SBNO2: variants seen among roughly 807,000 people sequenced by gnomAD.
SBNO2 encodes strawberry notch homolog 2.
SBNO2 carries 89 observed loss-of-function variants against 146.3 expected under a neutral mutation model. The ratio of observed to expected loss-of-function variants is 0.61; its 90% confidence interval spans 0.51 to 0.73. The LOEUF is 0.73. Ranked by LOEUF, SBNO2 falls within the 30% of genes least tolerant of loss-of-function variation. SBNO2 has a pLI of 0.00. For synonymous variants in SBNO2, 1,147 were observed against 892.6 expected, an observed-to-expected ratio of 1.29 and a Z score of -5.08; for missense variants, 2,092 against 2,003.7, an observed-to-expected ratio of 1.04 and a Z score of -0.84.
intron 5 of SBNO2, among the ~76,000 whole-genome samples, chr19:1,124,835 C>T (rs1076266): frequency 6.6e-6 from 1 of 152,058 alleles, no homozygotes; most frequent in Admixed American, 6.5e-5. Flanking sequence ...GTGGCCCACC[C>T]AGGGGTCTCC....
Position 1,112,418 on chromosome 19 carries a change from G to C in SBNO2, c.2499C>G (p.Arg833=). The change falls in exon 21 of 32, where the codon CGC becomes CGG. Residue 833 remains arginine (R), a synonymous_variant. Transcript: ENST00000361757. This position sits in a 1 kb window ranked among gnomAD's most constrained non-coding sequence, Gnocchi z 5.9. ...MTLELPWSAD[R]AIQQFGRTHR... The stretch of plus-strand genomic sequence containing the variant: ...CGGACTCACCGAACTGCTGGATGGC[G>C]CGGTCGGCGCTCCACGGCAGCTCCA... The C allele has an allele frequency of 6.2e-7, 1 of 1,604,484 alleles. No individual in the cohort carries two copies. The highest frequency in any genetic ancestry group is 8.5e-7 in the Non-Finnish European group (1 of 1,177,944).
At chr19:1,154,799 C>A (rs1297580457) in intron 1 of SBNO2, among the ~76,000 whole-genome samples, 1 of 152,170 alleles carries the variant, frequency 6.6e-6, no homozygotes, top group African/African-American at 2.4e-5. Flanking sequence ...AACCCGGGCC[C>A]GGCACCCAGG....
In SBNO2 at chr19:1,136,088, T is replaced by G. The variant is rs1037931030; in HGVS notation, c.280-8323A>C. The stretch of plus-strand genomic sequence containing the variant: ...GTGTCCTCATTCGAAGGAGACACAG[T>G]CCCGGGGAGGAGGCCACGGGACACA... On this transcript the variant is annotated intron_variant, in intron 4 of 31. Coordinates refer to ENST00000361757, the MANE Select transcript of SBNO2 (RefSeq NM_014963.3). The surrounding 1 kb of genome is among the most constrained non-coding windows in gnomAD (Gnocchi z 4.2). Among the ~76,000 whole-genome samples, 14 of 151,322 alleles carry G rather than the reference T, an allele frequency of 9.3e-5. No homozygotes were observed. The highest frequency in any genetic ancestry group is 8.5e-4 in the Admixed American group (13 of 15,212).
chr19:1,169,617 C>T (rs1230853702), intron 1 of SBNO2, among the ~76,000 whole-genome samples: 3 of 152,184 alleles, frequency 2.0e-5, no homozygotes, highest in Non-Finnish European at 4.4e-5. Context: ...TCACTGTTGC[C>T]GTCCTACGGG....
intron 1 of SBNO2, among the ~76,000 whole-genome samples, chr19:1,159,860 T>G (rs1488646506): frequency 2.0e-5 from 3 of 151,508 alleles, no homozygotes; most frequent in African/African-American, 7.3e-5. Flanking sequence ...GTTCCCCTAC[T>G]CCTGGGCCAA....
At chr19:1,115,931 G>T in intron 17 of SBNO2, 90 bp downstream of exon 17, 1 of 1,032,740 alleles carries the variant, frequency 9.7e-7, no homozygotes, top group Non-Finnish European at 1.5e-6. Context: ...GTGGACGGGG[G>T]AGTGGGGGAA....
chr19:1,168,039 CT>C (rs141114198), intron 1 of SBNO2, among the ~76,000 whole-genome samples: 2,091 of 152,282 alleles, frequency 0.014, 92 homozygotes, highest in East Asian at 0.09. Context: ...AGGTGCACCC[CT>C]GGGGAGGGGC....
Position 1,112,102 on chromosome 19 carries a change from T to C in SBNO2, c.2629-35A>G, listed in dbSNP as rs199798819. 4.6e-4 allele frequency: 747 copies of C among 1,610,860 alleles called. 2 individuals carry two copies. The African/African-American group carries it at 8.9e-3, about 19-fold the overall frequency. On this transcript the variant is annotated intron_variant, in intron 22 of 31. Transcript: ENST00000361757. This position sits in a 1 kb window ranked among gnomAD's most constrained non-coding sequence, Gnocchi z 5.9. ...GTGGGGAGGCCATCAGTTGGTCACC[T>C]GGGGTCTGGCCTCTAGCACCCCACA...
At chr19:1,134,901 C>T (rs1391079066) in intron 4 of SBNO2, among the ~76,000 whole-genome samples, 5 of 151,770 alleles carry the variant, frequency 3.3e-5, no homozygotes, top group African/African-American at 1.2e-4. Context: ...CAAAAATTAG[C>T]CAGGTGTGGT....
Position 1,112,899 on chromosome 19 carries a change from G to C in SBNO2, c.2298C>G (p.Ala766=), listed in dbSNP as rs559981621. The stretch of plus-strand genomic sequence containing the variant: ...GACCCTGCTCTGCCCGCGACTCGAA[G>C]GCCACCGTCCCGTCGGGCCTGGACA... The part of the protein sequence containing the change: ...RVVSRPDGTV[A]FESRAEQGLS... The change falls in exon 20 of 32, where the codon GCC becomes GCG. Residue 766 remains alanine, a synonymous_variant. Coordinates refer to ENST00000361757, the MANE Select transcript of SBNO2 (RefSeq NM_014963.3). This position sits in a 1 kb window ranked among gnomAD's most constrained non-coding sequence, Gnocchi z 5.9. 1 of 1,571,318 alleles carries C rather than the reference G, an allele frequency of 6.4e-7. No homozygotes were observed. Among genetic ancestry groups the C allele is most frequent in the East Asian group, 2.4e-5 (1 of 42,130 alleles).
rs781471532 is a variant in SBNO2, at chr19:1,114,390, G to T, written c.1918C>A (p.Arg640=). The T allele has an allele frequency of 1.9e-6, 3 of 1,547,684 alleles. No homozygotes were observed. Among genetic ancestry groups the T allele is most frequent in the Non-Finnish European group, 2.6e-6 (3 of 1,145,174 alleles). Residue 640 remains arginine, a synonymous_variant, in exon 18 of 32, where the codon CGG becomes AGG. Transcript: ENST00000361757. The part of the protein sequence containing the change: ...RPRGRGAKAP[R]LACETAGVIR... Reference sequence around the variant, plus strand: ...ACGCCCGCTGTCTCGCACGCCAGCCGGGGGGCTTTGGCCCCGCGTCCCCGA... The same window carrying T: ...ACGCCCGCTGTCTCGCACGCCAGCCTGGGGGCTTTGGCCCCGCGTCCCCGA...
chr19:1,113,083 G>C, intron 19 of SBNO2, 134 bp from the exon 20 acceptor site: 1 of 1,079,114 alleles, frequency 9.3e-7, no homozygotes, highest in Non-Finnish European at 1.3e-6. Context: ...GGGGGTGCTG[G>C]GAAAGGGAGG....
chr19:1,169,408 G>A (rs552927543), intron 1 of SBNO2, among the ~76,000 whole-genome samples: 3 of 152,338 alleles, frequency 2.0e-5, no homozygotes, highest in Non-Finnish European at 4.4e-5. Flanking sequence ...CGGGGCCTCC[G>A]CCTGGACCAC....
chr19:1,127,345 C>A (rs551997418), intron 5 of SBNO2, among the ~76,000 whole-genome samples: 2 of 152,280 alleles, frequency 1.3e-5, no homozygotes, highest in East Asian at 3.9e-4. Context: ...GCATCCTGGC[C>A]CCCCCCAACT....
intron 12 of SBNO2, 101 bp downstream of exon 12, chr19:1,119,805 C>A (rs1248128498): frequency 9.9e-7 from 1 of 1,008,602 alleles, no homozygotes; most frequent in Non-Finnish European, 1.5e-6. Flanking sequence ...GAGCAGGGTG[C>A]AGACGGAGGC....
At chr19:1,111,897 C>T in intron 23 of SBNO2, 99 bp downstream of exon 23, 5 of 1,176,324 alleles carry the variant, frequency 4.3e-6, no homozygotes, top group Middle Eastern at 2.8e-4. Context: ...GCCCCACGTT[C>T]TCCAGCCCCC....
chr19:1,114,108 G>T (rs984831136), intron 18 of SBNO2, 123 bp downstream of exon 18: 3 of 865,058 alleles, frequency 3.5e-6, no homozygotes, highest in African/African-American at 1.8e-5. Flanking sequence ...ACAACCTGGG[G>T]TGGGTGGTGA....
intron 1 of SBNO2, among the ~76,000 whole-genome samples, chr19:1,159,972 G>A (rs1350126105): frequency 2.0e-5 from 3 of 152,180 alleles, no homozygotes; most frequent in African/African-American, 7.2e-5. Flanking sequence ...AGTGTCCGGC[G>A]CTGCCCCTGC....
At position 1,136,591 on chromosome 19, in the gene SBNO2, G is replaced by A. The variant is rs1271112932; in HGVS notation, c.280-8826C>T. 6.6e-6 allele frequency among the ~76,000 whole-genome samples: 1 copy of A among 152,184 alleles called. No homozygotes were observed. Among genetic ancestry groups the A allele is most frequent in the Non-Finnish European group, 1.5e-5 (1 of 68,020 alleles). On this transcript the variant is annotated intron_variant, in intron 4 of 31. Coordinates refer to ENST00000361757, the MANE Select transcript of SBNO2 (RefSeq NM_014963.3). The surrounding 1 kb of genome is among the most constrained non-coding windows in gnomAD (Gnocchi z 4.2). Reference sequence around the variant, plus strand: ...AGGTGGCTCTTCTTGGCCTTGGCTGGGTGTGAACCAAAGACTTCCTGTAAG... The same window carrying A: ...AGGTGGCTCTTCTTGGCCTTGGCTGAGTGTGAACCAAAGACTTCCTGTAAG...
Sources: allele counts gnomAD v4.1 joint callset (sites outside exome capture counted in the v4.1 genomes callset), GRCh38; gene constraint gnomAD v4.1.1; non-coding constraint Gnocchi (gnomAD v3.1); transcripts MANE v1.5; gene names NCBI Gene and HGNC (gene_info 2026-07-23, HGNC 2026-07-21).